FSTL5: variants seen among roughly 807,000 people sequenced by gnomAD.
The protein encoded by FSTL5 is follistatin-related protein 5.
Under a neutral mutation model 89.1 loss-of-function variants are expected in FSTL5, and 62 were observed. That is an observed-to-expected ratio of 0.70 (90% CI 0.57 to 0.86). The LOEUF (loss-of-function observed/expected upper bound fraction) is 0.86. Among genes scored for constraint, FSTL5 ranks in the 40% least tolerant of loss-of-function variants. The pLI is 0.00. For synonymous variants in FSTL5, 383 were observed against 346.2 expected (o/e 1.11, Z -1.18); for missense variants, 1,057 against 1,001.6 (o/e 1.06, Z -0.75).
chr4:161,746,973 C>G (rs147520169), intron 6 of FSTL5, among the ~76,000 whole-genome samples: 1 of 152,106 alleles, frequency 6.6e-6, no homozygotes, highest in Non-Finnish European at 1.5e-5. Context: ...TCTTATTCAG[C>G]GGCGTATGTA....
At chr4:161,590,218 C>T (rs6858225) in intron 7 of FSTL5, among the ~76,000 whole-genome samples, 70,896 of 151,922 alleles carry the variant, frequency 0.47, 16,949 homozygotes, top group East Asian at 0.72. Flanking sequence ...ATTCAGAATA[C>T]ATAAAGAGTA....
At chr4:161,846,450 T>C (rs1731372399) in intron 4 of FSTL5, among the ~76,000 whole-genome samples, 1 of 152,130 alleles carries the variant, frequency 6.6e-6, no homozygotes, top group Admixed American at 6.6e-5. Flanking sequence ...AGATAACATC[T>C]TGAGGCATTT....
intron 8 of FSTL5, among the ~76,000 whole-genome samples, chr4:161,549,737 A>G (rs143593749): frequency 2.3e-4 from 35 of 152,108 alleles, no homozygotes; most frequent in African/African-American, 8.2e-4. Flanking sequence ...CGGTTAATGC[A>G]TGTATTTTGA....
chr4:161,867,493 T>C (rs1732130500), intron 4 of FSTL5, among the ~76,000 whole-genome samples: 1 of 151,862 alleles, frequency 6.6e-6, no homozygotes, highest in Non-Finnish European at 1.5e-5. Flanking sequence ...TTAGACCTAA[T>C]AAAATACATC....
chr4:161,525,666 T>G (rs1321214259), intron 10 of FSTL5, among the ~76,000 whole-genome samples: 2 of 152,174 alleles, frequency 1.3e-5, no homozygotes, highest in Admixed American at 1.3e-4. Context: ...GACTCTAATG[T>G]GTGACATTGC....
chr4:161,713,315 T>C (rs773854747), intron 6 of FSTL5, among the ~76,000 whole-genome samples: 35 of 152,178 alleles, frequency 2.3e-4, no homozygotes, highest in Non-Finnish European at 4.6e-4. Context: ...GCATAAACAA[T>C]GGAGGTGTCT....
intron 3 of FSTL5, among the ~76,000 whole-genome samples, chr4:162,015,116 C>T (rs1399798926): frequency 6.6e-6 from 1 of 152,094 alleles, no homozygotes; most frequent in African/African-American, 2.4e-5. Flanking sequence ...AACTTTCCCA[C>T]AGAGGTAGAA....
At chr4:162,058,275 T>C (rs1161816001) in intron 2 of FSTL5, among the ~76,000 whole-genome samples, 1 of 151,914 alleles carries the variant, frequency 6.6e-6, no homozygotes, top group Non-Finnish European at 1.5e-5. Context: ...AGAATGGGAA[T>C]AGAAGGTTTC....
chr4:161,856,306 A>C (rs749587345), intron 4 of FSTL5, among the ~76,000 whole-genome samples: 23 of 152,104 alleles, frequency 1.5e-4, no homozygotes, highest in Non-Finnish European at 2.4e-4. Context: ...TTTGTATAAA[A>C]GGGTAGAAAA....
At position 161,618,678 on chromosome 4, in the gene FSTL5, T is replaced by C. The variant is rs181720502; in HGVS notation, c.895-31103A>G. 5.4e-3 allele frequency among the ~76,000 whole-genome samples: 825 copies of C among 152,286 alleles called. 8 individuals carry two copies. The highest frequency in any genetic ancestry group is 0.019 in the African/African-American group (786 of 41,548). ...TTTGTATCCCAGGGATGAAGCCCAC[T>C]TGATCATGGTGGATAACCTTTTTGA... On this transcript the variant is annotated intron_variant, in intron 7 of 15. Coordinates refer to ENST00000306100, the MANE Select transcript of FSTL5 (RefSeq NM_020116.5).
At chr4:162,136,736 G>A (rs1461157596) in intron 1 of FSTL5, among the ~76,000 whole-genome samples, 1 of 151,918 alleles carries the variant, frequency 6.6e-6, no homozygotes, top group Non-Finnish European at 1.5e-5. Context: ...CAGAACACTA[G>A]TGATGTATTA....
At chr4:161,523,377 T>C (rs1421613859) in intron 10 of FSTL5, among the ~76,000 whole-genome samples, 1 of 152,090 alleles carries the variant, frequency 6.6e-6, no homozygotes, top group Non-Finnish European at 1.5e-5. Context: ...GCATGAAAAA[T>C]GGACAGCAGA....
intron 15 of FSTL5, among the ~76,000 whole-genome samples, chr4:161,413,708 G>T (rs1397377632): frequency 1.3e-5 from 2 of 152,126 alleles, no homozygotes; most frequent in Non-Finnish European, 2.9e-5. Flanking sequence ...TAAATTAAAC[G>T]TGGTAAATAC....
At chr4:162,140,238 C>T (rs984991979) in intron 1 of FSTL5, among the ~76,000 whole-genome samples, 5 of 152,056 alleles carry the variant, frequency 3.3e-5, no homozygotes, top group African/African-American at 1.2e-4. Context: ...TAAGGTTGAA[C>T]ATTCACCTAC....
Position 162,014,385 on chromosome 4 carries a change from C to A in FSTL5, c.160+19240G>T, listed in dbSNP as rs1736856621. ...TGGTTTAAAATTTATTATTGTCAAG[C>A]TTAAATCTGATGTTTCAAATTCCAC... On this transcript the variant is annotated intron_variant, in intron 3 of 15. Coordinates refer to ENST00000306100, the MANE Select transcript of FSTL5 (RefSeq NM_020116.5). Among the ~76,000 whole-genome samples the A allele has an allele frequency of 2.0e-5, 3 of 152,272 alleles. No homozygotes were observed. In the South Asian group the frequency reaches 6.2e-4, roughly 32 times the overall value.
intron 7 of FSTL5, among the ~76,000 whole-genome samples, chr4:161,594,057 T>C (rs1025779086): frequency 1.3e-5 from 2 of 151,962 alleles, no homozygotes; most frequent in African/African-American, 4.8e-5. Flanking sequence ...AAGATTAGAG[T>C]TAAGAGTATT....
At chr4:161,585,914 C>T (rs148939194) in intron 8 of FSTL5, among the ~76,000 whole-genome samples, 2,491 of 152,278 alleles carry the variant, frequency 0.016, 68 homozygotes, top group South Asian at 0.13. Context: ...CTTTGCATCT[C>T]GCCTGCTTTC....
At chr4:161,979,985 G>C (rs958253834) in intron 3 of FSTL5, among the ~76,000 whole-genome samples, 1 of 148,868 alleles carries the variant, frequency 6.7e-6, no homozygotes, top group Admixed American at 6.8e-5. Context: ...TCTATCTAAA[G>C]ACCTAAAATT....
chr4:161,756,430 A>G (rs1053225927), intron 6 of FSTL5, among the ~76,000 whole-genome samples: 1 of 152,072 alleles, frequency 6.6e-6, no homozygotes, highest in African/African-American at 2.4e-5. Context: ...TTTCCATAAA[A>G]TTTTTTAACA....
Sources: gnomAD v4.1 joint callset for allele counts (sites outside exome capture counted in the v4.1 genomes callset) on GRCh38, gnomAD v4.1.1 for gene constraint, MANE v1.5 for transcripts, NCBI Gene and HGNC (gene_info 2026-07-23, HGNC 2026-07-21) for gene names.